BSN: variants seen among roughly 807,000 people sequenced by gnomAD.
BSN encodes bassoon presynaptic cytomatrix protein.
A neutral mutation model predicts 264.8 loss-of-function variants in BSN; 57 were observed. The observed-to-expected ratio is 0.22, with a 90% CI of 0.17 to 0.27. The LOEUF is 0.27. Ranked by LOEUF, BSN falls within the 10% of genes least tolerant of loss-of-function variation. The pLI is 1.00. For synonymous variants in BSN, 2,059 were observed against 2,137.3 expected, an observed-to-expected ratio of 0.96 and a Z score of 1.01; for missense variants, 4,615 against 5,232.5, an observed-to-expected ratio of 0.88 and a Z score of 3.64.
At chr3:49,610,876 G>T (rs1219861107) in intron 1 of BSN, among the ~76,000 whole-genome samples, 1 of 152,182 alleles carries the variant, frequency 6.6e-6, no homozygotes, top group Non-Finnish European at 1.5e-5. Context: ...CATGCATTTA[G>T]TGTCTGCATA....
At chr3:49,645,664 G>A (rs982788454) in intron 3 of BSN, among the ~76,000 whole-genome samples, 1 of 152,176 alleles carries the variant, frequency 6.6e-6, no homozygotes, top group African/African-American at 2.4e-5. Flanking sequence ...TCTTCACTGA[G>A]GCCCCTAACC....
At chr3:49,636,611 C>T (rs752753631) in intron 2 of BSN, among the ~76,000 whole-genome samples, 1 of 152,160 alleles carries the variant, frequency 6.6e-6, no homozygotes, top group African/African-American at 2.4e-5. Context: ...GCCCCAGGTG[C>T]GATTAGGTTC....
chr3:49,606,158 A>T (rs1430396295), intron 1 of BSN, among the ~76,000 whole-genome samples: 2 of 43,452 alleles, frequency 4.6e-5, no homozygotes, highest in Non-Finnish European at 7.8e-5. Flanking sequence ...TGTATATATT[A>T]TATATACATA....
chr3:49,667,238 G>T (rs567964632), intron 11 of BSN, among the ~76,000 whole-genome samples: 17 of 151,410 alleles, frequency 1.1e-4, no homozygotes, highest in Non-Finnish European at 1.8e-4. Context: ...AATTCTTTAC[G>T]GCAATTTCAG....
At chr3:49,576,034 C>T (rs2051843055) in intron 1 of BSN, among the ~76,000 whole-genome samples, 1 of 152,136 alleles carries the variant, frequency 6.6e-6, no homozygotes, top group South Asian at 2.1e-4. Flanking sequence ...TCCCACTTTT[C>T]AGAGAATTAG....
rs142498940 is a variant in BSN at position 49,654,295 on chromosome 3, C to T, written c.4739C>T (p.Pro1580Leu). 79 of 1,613,590 alleles carry T rather than the reference C, an allele frequency of 4.9e-5. No individual in the cohort carries two copies. The highest frequency in any genetic ancestry group is 6.2e-5 in the Non-Finnish European group (73 of 1,179,934). The change falls in exon 5 of 12, where the codon CCG (proline) becomes CTG (leucine). Residue 1580 changes from proline to leucine, a missense_variant. Pro to Leu is a moderately conservative substitution (Grantham distance 98). Transcript: ENST00000296452. This position sits in a 1 kb window ranked among gnomAD's most constrained non-coding sequence, Gnocchi z 4.1. ...GTACATGCCAGTGCCTCCACCTCCC[C>T]GCTCTGCTCACCTACTGAAACCCAG... is the stretch of plus-strand genomic sequence containing the variant. ...RMVHASASTS[P>L]LCSPTETQPT...
chr3:49,649,334 A>G (rs1473790408), intron 3 of BSN, among the ~76,000 whole-genome samples: 1 of 152,184 alleles, frequency 6.6e-6, no homozygotes, highest in African/African-American at 2.4e-5. Flanking sequence ...GGGAGCCTGT[A>G]TGTCCAGGCA....
chr3:49,666,737 A>G (rs2052716104), intron 11 of BSN, among the ~76,000 whole-genome samples: 1 of 148,390 alleles, frequency 6.7e-6, no homozygotes, highest in Admixed American at 6.7e-5. Context: ...CAGTATAGCC[A>G]GGGCCACAGT....
Position 49,642,608 on chromosome 3 carries a change from C to T in BSN, c.974C>T (p.Pro325Leu), listed in dbSNP as rs200256262. 46 of 1,603,016 alleles carry T rather than the reference C, an allele frequency of 2.9e-5. No homozygotes were observed. The highest frequency in any genetic ancestry group is 1.7e-4 in the Admixed American group (10 of 59,252). ...AEPRPPAGEAPAKSATAVPAG... is the reference protein window; with the variant it reads ...AEPRPPAGEALAKSATAVPAG... ...CCCAGGCCACCTGCAGGAGAGGCCC[C>T]GGCCAAAAGTGCCACCGCAGTGCCC... Residue 325 changes from proline (P) to leucine (L), a missense_variant, in exon 3 of 12, where the codon CCG becomes CTG. By Grantham distance (98) the Pro-to-Leu change is moderately conservative (BLOSUM62 -3). Around this residue, in one of 3 missense-constraint regions of BSN, gnomAD observed 1,197 missense variants for 1,348.0 expected, o/e 0.89. Transcript: ENST00000296452. The surrounding 1 kb of genome is among the most constrained non-coding windows in gnomAD (Gnocchi z 7.0).
chr3:49,660,182 C>T lies in BSN; in HGVS notation c.8641-304C>T, dbSNP rs945261208. Among the ~76,000 whole-genome samples the T allele has an allele frequency of 1.3e-5, 2 of 152,164 alleles. No homozygotes were observed. The highest frequency in any genetic ancestry group is 1.9e-4 in the East Asian group (1 of 5,204). On this transcript the variant is annotated intron_variant, in intron 5 of 11. Transcript: ENST00000296452. The surrounding 1 kb of genome is among the most constrained non-coding windows in gnomAD (Gnocchi z 7.1). ...GGCCCATTGGAGATGTGCAGGGGTTCTCAAAGCCATGTGCTGGGCCAGTAC... is the reference window on the plus strand; with the variant it reads ...GGCCCATTGGAGATGTGCAGGGGTTTTCAAAGCCATGTGCTGGGCCAGTAC...
intron 1 of BSN, among the ~76,000 whole-genome samples, chr3:49,573,817 C>T (rs2051817847): frequency 6.6e-6 from 1 of 152,044 alleles, no homozygotes; most frequent in Admixed American, 6.6e-5. Flanking sequence ...GCCACCATAC[C>T]CGGATAATTT....
rs956009805 is a variant in BSN at position 49,586,147 on chromosome 3, T to A, written c.224+31321T>A. 2.0e-5 allele frequency among the ~76,000 whole-genome samples: 3 copies of A among 152,302 alleles called. No individual in the cohort carries two copies. In the South Asian group the frequency reaches 6.2e-4, roughly 32 times the overall value. ...CATTTTTGTTTTAGTTGCCTGTGCT[T>A]GTTGGGTATTGGTCAAGAAAGTTTT... is the stretch of plus-strand genomic sequence containing the variant. On this transcript the variant is annotated intron_variant, in intron 1 of 11. Transcript: ENST00000296452.
chr3:49,617,149 A>G (rs1362180478), intron 1 of BSN, among the ~76,000 whole-genome samples: 2 of 152,080 alleles, frequency 1.3e-5, no homozygotes, highest in Admixed American at 1.3e-4. Context: ...TATCTAATGC[A>G]TGTGGGGCTT....
intron 1 of BSN, among the ~76,000 whole-genome samples, chr3:49,600,812 A>C (rs2052068084): frequency 6.6e-6 from 1 of 152,104 alleles, no homozygotes; most frequent in Non-Finnish European, 1.5e-5. Context: ...TCTAAAAAAT[A>C]AATAAGTAAA....
intron 1 of BSN, among the ~76,000 whole-genome samples, chr3:49,600,434 GGGCTTGGAATGTCA>G (rs762093899): frequency 1.3e-4 from 20 of 152,178 alleles, no homozygotes; most frequent in Admixed American, 1.2e-3. Flanking sequence ...CAGAAGCCAA[GGGCTTGGAATGTCA>G]GGCTAAAGCA....
intron 2 of BSN, among the ~76,000 whole-genome samples, chr3:49,629,043 C>A (rs999764740): frequency 6.6e-6 from 1 of 152,152 alleles, no homozygotes. Context: ...CCACAAGAGA[C>A]CCTCCCTCTG....
chr3:49,571,729 A>G (rs1031674362), intron 1 of BSN, among the ~76,000 whole-genome samples: 9 of 152,132 alleles, frequency 5.9e-5, no homozygotes, highest in Non-Finnish European at 1.0e-4. Flanking sequence ...ACAAGCCGAC[A>G]TGTTCTAGAT....
Position 49,669,526 on chromosome 3 carries a change from A to G in BSN, c.*2041A>G, listed in dbSNP as rs1480656347. The G allele has an allele frequency of 1.3e-5, 2 of 152,634 alleles. No homozygotes were observed. The highest frequency in any genetic ancestry group is 6.5e-5 in the Admixed American group (1 of 15,288). The allele number at this position is 152,634 out of a possible 1,614,324, so 9.5% of individuals were successfully genotyped here. On this transcript the variant is annotated 3_prime_UTR_variant, in exon 12 of 12. Transcript: ENST00000296452. Reference sequence around the variant, plus strand: ...CCACAGCCAGAGAGGCAGAGGCAAGAGCAGAGCCAGGCTGTGCCCGAGGGA... The same window carrying G: ...CCACAGCCAGAGAGGCAGAGGCAAGGGCAGAGCCAGGCTGTGCCCGAGGGA...
At position 49,554,663 on chromosome 3, in the gene BSN, GCCGGCCCCGGCCCGGGCCCCGGCC is replaced by G. The variant is rs1407007437; in HGVS notation, c.73_96del (p.Pro25_Gly32del). 3.9e-5 allele frequency: 39 copies of G among 992,300 alleles called. No homozygotes were observed. Among genetic ancestry groups the G allele is most frequent in the South Asian group, 9.0e-5 (2 of 22,218 alleles). The allele number at this position is 992,300 out of a possible 1,614,324, so 61.5% of individuals were successfully genotyped here. On this transcript the variant is annotated inframe_deletion, in exon 1 of 12. Coordinates refer to ENST00000296452, the MANE Select transcript of BSN (RefSeq NM_003458.4). ...CGACGGGCCGCTGCCGCCCGGCGGC[GCCGGCCCCGGCCCGGGCCCCGGCC>G]CCGGCCCCGGCGCAGGAAAGCCGCC...
Sources: gnomAD v4.1 joint callset for allele counts (sites outside exome capture counted in the v4.1 genomes callset) on GRCh38, gnomAD v4.1.1 for gene constraint, gnomAD v4.1.1 regional missense constraint, Gnocchi (gnomAD v3.1) non-coding constraint, MANE v1.5 for transcripts, NCBI Gene and HGNC (gene_info 2026-07-23, HGNC 2026-07-21) for gene names.